The following RBFOX1 variants were observed in gnomAD, a reference collection of about 807,000 sequenced individuals.
The protein encoded by RBFOX1 is RNA binding protein fox-1 homolog 1.
In RBFOX1, 8 loss-of-function variants were observed where a neutral mutation model predicts 57.7. The observed-to-expected ratio is 0.14, with a 90% CI of 0.08 to 0.25. The LOEUF (loss-of-function observed/expected upper bound fraction) is 0.25, where lower values mean the gene tolerates loss of function less well. Ranked by LOEUF, RBFOX1 falls within the 10% of genes least tolerant of loss-of-function variation. The pLI is 1.00. For missense variants in RBFOX1, 611 were observed against 548.5 expected (o/e 1.11, Z -1.14); for synonymous variants, 326 against 222.4 (o/e 1.47, Z -4.15).
chr16:6,653,748 G>A (rs2098620541), intron 2 of RBFOX1, among the ~76,000 whole-genome samples: 1 of 151,796 alleles, frequency 6.6e-6, no homozygotes, highest in Non-Finnish European at 1.5e-5. Flanking sequence ...ATGGATGGAT[G>A]GGTGGGTAGA....
intron 1 of RBFOX1, among the ~76,000 whole-genome samples, chr16:5,401,865 C>G (rs953160272): frequency 6.6e-6 from 1 of 151,912 alleles, no homozygotes; most frequent in African/African-American, 2.4e-5. Flanking sequence ...CTCTCGTCAT[C>G]GTCGTCGTCA....
intron 4 of RBFOX1, among the ~76,000 whole-genome samples, chr16:7,335,574 C>T (rs1454008099): frequency 1.4e-5 from 2 of 143,468 alleles, no homozygotes; most frequent in Admixed American, 7.2e-5. Context: ...TTTTAGTTGC[C>T]TCAGATAAAG....
intron 4 of RBFOX1, among the ~76,000 whole-genome samples, chr16:5,899,462 A>G (rs948907937): frequency 1.3e-5 from 2 of 152,188 alleles, no homozygotes; most frequent in Non-Finnish European, 2.9e-5. Context: ...AATGAAGATT[A>G]CCAAAGTAGC....
chr16:7,151,425 T>A (rs779550497), intron 4 of RBFOX1, among the ~76,000 whole-genome samples: 2 of 152,140 alleles, frequency 1.3e-5, no homozygotes, highest in Non-Finnish European at 2.9e-5. Flanking sequence ...TAAACTAATG[T>A]CACTAATGTC....
At chr16:7,314,810 A>G (rs2096400452) in intron 4 of RBFOX1, among the ~76,000 whole-genome samples, 1 of 152,166 alleles carries the variant, frequency 6.6e-6, no homozygotes, top group Non-Finnish European at 1.5e-5. Context: ...GCTTGATGTG[A>G]TCTTTAAACA....
intron 4 of RBFOX1, among the ~76,000 whole-genome samples, chr16:7,194,402 C>A (rs970740051): frequency 2.0e-5 from 3 of 152,148 alleles, no homozygotes; most frequent in African/African-American, 7.2e-5. Context: ...TAAAAAGATA[C>A]TAAGCAGCTG....
chr16:6,144,631 C>G (rs542448067), intron 1 of RBFOX1, among the ~76,000 whole-genome samples: 1 of 152,190 alleles, frequency 6.6e-6, no homozygotes, highest in Non-Finnish European at 1.5e-5. Context: ...TCAAGGCTCA[C>G]GCTGCAGCTT....
intron 2 of RBFOX1, among the ~76,000 whole-genome samples, chr16:5,598,149 T>G (rs905486646): frequency 2.0e-5 from 3 of 151,710 alleles, no homozygotes. Flanking sequence ...ATACAAAAAC[T>G]TATCCAGGTG....
intron 1 of RBFOX1, among the ~76,000 whole-genome samples, chr16:6,196,401 A>G (rs1192791303): frequency 6.6e-6 from 1 of 152,172 alleles, no homozygotes; most frequent in African/African-American, 2.4e-5. Context: ...TATCTTTCAG[A>G]TTTTTTGTAG....
intron 1 of RBFOX1, among the ~76,000 whole-genome samples, chr16:6,223,000 T>G (rs1857356490): frequency 6.7e-6 from 1 of 150,352 alleles, no homozygotes. Flanking sequence ...GATTTCCAAT[T>G]TCATCCATGT....
At chr16:5,299,816 C>G (rs2063759692) in intron 1 of RBFOX1, among the ~76,000 whole-genome samples, 1 of 151,976 alleles carries the variant, frequency 6.6e-6, no homozygotes, top group Non-Finnish European at 1.5e-5. Flanking sequence ...ACTAGGAATT[C>G]TAGTAAAATT....
In RBFOX1 at chr16:6,027,039, G is replaced by T. The variant is rs538226163; in HGVS notation, c.-127+7047G>T. ...ATGGATGAACTTGTGCAATCACCTT[G>T]TTCATTGCTAGTTCTGCATTTCCCC... On this transcript the variant is annotated intron_variant, in intron 1 of 15. Transcript: ENST00000550418. Among the ~76,000 whole-genome samples, 295 of 152,342 alleles carry T rather than the reference G, an allele frequency of 1.9e-3. 2 individuals carry two copies. The highest frequency in any genetic ancestry group is 6.9e-3 in the African/African-American group (287 of 41,580).
intron 4 of RBFOX1, among the ~76,000 whole-genome samples, chr16:7,303,667 C>G (rs1238966573): frequency 6.6e-6 from 1 of 152,086 alleles, no homozygotes; most frequent in African/African-American, 2.4e-5. Flanking sequence ...AATGAGGAGA[C>G]AGACAGCATC....
chr16:6,944,158 A>T (rs552994858), intron 3 of RBFOX1, among the ~76,000 whole-genome samples: 1 of 152,008 alleles, frequency 6.6e-6, no homozygotes, highest in South Asian at 2.1e-4. Flanking sequence ...GCATTTTGGG[A>T]GGCTGAGGTG....
chr16:7,153,621 G>A (rs915698493), intron 4 of RBFOX1, among the ~76,000 whole-genome samples: 1 of 151,356 alleles, frequency 6.6e-6, no homozygotes, highest in South Asian at 2.1e-4. Context: ...GGGGAGGGGG[G>A]CGCCTATAAT....
intron 8 of RBFOX1, among the ~76,000 whole-genome samples, chr16:7,595,913 T>C (rs1214350003): frequency 1.3e-5 from 2 of 151,294 alleles, no homozygotes; most frequent in South Asian, 2.1e-4. Flanking sequence ...TTTGTTGTTA[T>C]TTTCCATGTT....
At chr16:6,222,526 A>C (rs1473547469) in intron 1 of RBFOX1, among the ~76,000 whole-genome samples, 1 of 151,884 alleles carries the variant, frequency 6.6e-6, no homozygotes, top group African/African-American at 2.4e-5. Flanking sequence ...GCTCTGACAT[A>C]GCAACCATCG....
At chr16:5,790,705 GAA>G (rs1185021990) in intron 3 of RBFOX1, among the ~76,000 whole-genome samples, 1 of 152,108 alleles carries the variant, frequency 6.6e-6, no homozygotes, top group Non-Finnish European at 1.5e-5. Flanking sequence ...CCATGGAAAT[GAA>G]AGAGATGAGA....
intron 1 of RBFOX1, among the ~76,000 whole-genome samples, chr16:5,365,274 G>A (rs899954365): frequency 6.6e-6 from 1 of 152,104 alleles, no homozygotes; most frequent in Admixed American, 6.5e-5. Flanking sequence ...AACTTGGAGT[G>A]TAGATTCTCT....
Sources: gnomAD v4.1 joint callset for allele counts (sites outside exome capture counted in the v4.1 genomes callset) on GRCh38, gnomAD v4.1.1 for gene constraint, MANE v1.5 for transcripts, NCBI Gene and HGNC (gene_info 2026-07-23, HGNC 2026-07-21) for gene names.